NOX4: variants seen among roughly 807,000 people sequenced by gnomAD.
The protein encoded by NOX4 is kidney oxidase-1.
NOX4 carries 69 observed loss-of-function variants against 87.6 expected under a neutral mutation model. That is an observed-to-expected ratio of 0.79 (90% CI 0.65 to 0.96). The LOEUF (loss-of-function observed/expected upper bound fraction) is 0.96, where lower values mean the gene tolerates loss of function less well. Ranked by LOEUF, NOX4 falls within the 40% of genes least tolerant of loss-of-function variation. The pLI is 0.00. For missense variants in NOX4, 680 were observed against 681.5 expected, an observed-to-expected ratio of 1.00 and a Z score of 0.02; for synonymous variants, 275 against 238.2, an observed-to-expected ratio of 1.15 and a Z score of -1.42.
At chr11:89,505,327 G>A in the NOX4 span, among the ~76,000 whole-genome samples, 1 of 151,904 alleles carries the variant, frequency 6.6e-6, no homozygotes, top group African/African-American at 2.4e-5. Context: ...ATGTTCTAAT[G>A]AGCCCGATAA....
At position 89,335,918 on chromosome 11, in the gene NOX4, G is replaced by C. The variant is rs771082750; in HGVS notation, c.1543C>G (p.Leu515Val). ...QKIIGEKYHA[L>V]NSRLFIGRPR... ...CGTCCTATAAACAGTCTTGAATTCA[G>C]TGCATGATATTTTTCTCCAATTATC... Residue 515 changes from leucine (L) to valine (V), a missense_variant, in exon 17 of 18, where the codon CTG becomes GTG. By Grantham distance (32) the Leu-to-Val change is conservative. Coordinates refer to ENST00000263317, the MANE Select transcript of NOX4 (RefSeq NM_016931.5). 6.3e-7 allele frequency: 1 copy of C among 1,597,232 alleles called. No homozygotes were observed. Among genetic ancestry groups the C allele is most frequent in the Non-Finnish European group, 8.5e-7 (1 of 1,172,328 alleles).
At chr11:89,354,138 A>T (rs948447082) in intron 13 of NOX4, among the ~76,000 whole-genome samples, 2 of 152,328 alleles carry the variant, frequency 1.3e-5, no homozygotes, top group Admixed American at 1.3e-4. Flanking sequence ...TGGCATAGTG[A>T]TTAGATGAAA....
At chr11:89,377,766 C>A (rs1425071811) in intron 11 of NOX4, among the ~76,000 whole-genome samples, 1 of 152,000 alleles carries the variant, frequency 6.6e-6, no homozygotes, top group Non-Finnish European at 1.5e-5. Context: ...ATGTGTTAAA[C>A]CTGAGAAAGT....
chr11:89,515,203 T>C, the NOX4 span, among the ~76,000 whole-genome samples: 1 of 152,064 alleles, frequency 6.6e-6, no homozygotes, highest in Non-Finnish European at 1.5e-5. Flanking sequence ...TATTTCAAAG[T>C]AGTTGTACCC....
chr11:89,369,952 G>A (rs1939318013), intron 12 of NOX4, among the ~76,000 whole-genome samples: 2 of 151,630 alleles, frequency 1.3e-5, no homozygotes, highest in South Asian at 2.1e-4. Context: ...CTTTAAACAC[G>A]TAACACATGT....
chr11:89,475,206 A>T (rs1457581241), intron 2 of NOX4, among the ~76,000 whole-genome samples: 1 of 152,022 alleles, frequency 6.6e-6, no homozygotes, highest in Non-Finnish European at 1.5e-5. Context: ...TACTGAGGAC[A>T]TGCACCAAAA....
At chr11:89,543,148 C>T in the NOX4 span, among the ~76,000 whole-genome samples, 31 of 152,216 alleles carry the variant, frequency 2.0e-4, no homozygotes, top group Admixed American at 1.3e-4. Context: ...TAGACATCAC[C>T]GCTACACAAT....
At chr11:89,411,403 G>T (rs945658830) in intron 8 of NOX4, among the ~76,000 whole-genome samples, 1 of 152,128 alleles carries the variant, frequency 6.6e-6, no homozygotes, top group East Asian at 1.9e-4. Context: ...CAGCCACAGT[G>T]GGGTAGAGCA....
At chr11:89,464,148 T>C (rs1230072665) in intron 2 of NOX4, among the ~76,000 whole-genome samples, 1 of 152,090 alleles carries the variant, frequency 6.6e-6, no homozygotes, top group African/African-American at 2.4e-5. Flanking sequence ...TAACTATGTA[T>C]TGCATGTCTG....
chr11:89,484,594 T>C lies in NOX4; in HGVS notation c.153+5864A>G, dbSNP rs76049336. Reference sequence around the variant, plus strand: ...GACTAAATAGTGACCAAGTCACTAATTCAGTAGGTGATAGTGAACAAATCA... The same window carrying C: ...GACTAAATAGTGACCAAGTCACTAACTCAGTAGGTGATAGTGAACAAATCA... On this transcript the variant is annotated intron_variant, in intron 2 of 17. Transcript: ENST00000263317. Among the ~76,000 whole-genome samples, 322 of 152,232 alleles carry C rather than the reference T, an allele frequency of 2.1e-3. 1 individual carries two copies. Among genetic ancestry groups the C allele is most frequent in the Middle Eastern group, 3.4e-3 (1 of 294 alleles).
intron 7 of NOX4, among the ~76,000 whole-genome samples, chr11:89,428,621 C>T (rs1378840498): frequency 1.3e-5 from 2 of 151,948 alleles, no homozygotes; most frequent in Non-Finnish European, 2.9e-5. Flanking sequence ...ACAAAGAAGG[C>T]CATTACATAA....
the NOX4 span, among the ~76,000 whole-genome samples, chr11:89,533,075 A>G: frequency 6.6e-6 from 1 of 152,276 alleles, no homozygotes; most frequent in Non-Finnish European, 1.5e-5. Flanking sequence ...AATACAGACA[A>G]TTTTAAAAAA....
At chr11:89,328,954 T>A (rs987408762) in intron 17 of NOX4, among the ~76,000 whole-genome samples, 2 of 151,984 alleles carry the variant, frequency 1.3e-5, no homozygotes, top group Non-Finnish European at 2.9e-5. Flanking sequence ...CCTGCCTGCA[T>A]TTTGACCTTA....
intron 17 of NOX4, among the ~76,000 whole-genome samples, chr11:89,329,869 A>G (rs1945396098): frequency 6.6e-6 from 1 of 152,044 alleles, no homozygotes; most frequent in Admixed American, 6.6e-5. Context: ...CAGCACTATA[A>G]AGGACACTAA....
chr11:89,331,150 C>A, intron 17 of NOX4, among the ~76,000 whole-genome samples: 1 of 151,794 alleles, frequency 6.6e-6, no homozygotes, highest in Non-Finnish European at 1.5e-5. Flanking sequence ...ATTTTTAGAT[C>A]AAATCCCAAT....
At chr11:89,341,895 G>A (rs1376847057) in intron 14 of NOX4, among the ~76,000 whole-genome samples, 179 bp downstream of exon 14, 1 of 152,182 alleles carries the variant, frequency 6.6e-6, no homozygotes, top group Non-Finnish European at 1.5e-5. Flanking sequence ...GAATATGCTA[G>A]CAGCCACAGA....
At chr11:89,365,880 C>A (rs1467143582) in intron 12 of NOX4, among the ~76,000 whole-genome samples, 3 of 151,574 alleles carry the variant, frequency 2.0e-5, no homozygotes, top group Non-Finnish European at 4.4e-5. Flanking sequence ...TAGAAAACAG[C>A]CATGTAGTGA....
At chr11:89,427,849 A>C (rs1022569191) in intron 7 of NOX4, among the ~76,000 whole-genome samples, 3 of 152,198 alleles carry the variant, frequency 2.0e-5, no homozygotes, top group African/African-American at 4.8e-5. Context: ...CCAATATTCA[A>C]ATTCAGGAAA....
At position 89,432,788 on chromosome 11, in the gene NOX4, T is replaced by C. The variant is rs774459330; in HGVS notation, c.544A>G (p.Ile182Val). The stretch of plus-strand genomic sequence containing the variant: ...ATAATTGATTCTGACACTTACCTTA[T>C]TGCATATGTAGAGGCTGTGATCATG... Reference protein sequence around the residue: ...FLMITASTYAIRVSNYDIFWY... With the variant: ...FLMITASTYAVRVSNYDIFWY... The change falls in exon 7 of 18, where the codon ATA (isoleucine) becomes GTA (valine). Residue 182 changes from isoleucine (I) to valine (V), a missense_variant. By Grantham distance (29) the Ile-to-Val change is conservative (BLOSUM62 3). Coordinates refer to ENST00000263317, the MANE Select transcript of NOX4 (RefSeq NM_016931.5). The C allele has an allele frequency of 1.2e-6, 2 of 1,603,872 alleles. No individual in the cohort carries two copies. The highest frequency in any genetic ancestry group is 3.3e-5 in the Admixed American group (2 of 59,822).
Sources: allele counts gnomAD v4.1 joint callset (sites outside exome capture counted in the v4.1 genomes callset), GRCh38; gene constraint gnomAD v4.1.1; transcripts MANE v1.5; gene names NCBI Gene and HGNC (gene_info 2026-07-23, HGNC 2026-07-21).